The following LSAMP variants were observed in gnomAD, a reference collection of about 807,000 sequenced individuals.
LSAMP encodes limbic system-associated membrane protein.
In LSAMP, 7 loss-of-function variants were observed where a neutral mutation model predicts 38.6. The ratio of observed to expected loss-of-function variants is 0.18; its 90% confidence interval spans 0.10 to 0.34. The LOEUF (loss-of-function observed/expected upper bound fraction) is 0.34, where lower values mean the gene tolerates loss of function less well. LSAMP is among the 10% of genes least tolerant of loss of function. The pLI is 1.00. For synonymous variants in LSAMP, 154 were observed against 166.8 expected (o/e 0.92, Z 0.59); for missense variants, 313 against 420.0 (o/e 0.75, Z 2.23).
intron 1 of LSAMP, among the ~76,000 whole-genome samples, chr3:116,155,462 A>T (rs1421858903): frequency 6.6e-6 from 1 of 152,046 alleles, no homozygotes; most frequent in African/African-American, 2.4e-5. Context: ...TCCTGACTTC[A>T]GGTGATCCAC....
At chr3:116,225,652 C>T (rs754395485) in intron 1 of LSAMP, among the ~76,000 whole-genome samples, 2 of 151,976 alleles carry the variant, frequency 1.3e-5, no homozygotes, top group South Asian at 4.1e-4. Flanking sequence ...AATATAATGT[C>T]TTTAATTGAC....
chr3:116,216,292 C>CA (rs2046218368), intron 1 of LSAMP, among the ~76,000 whole-genome samples: 1 of 152,168 alleles, frequency 6.6e-6, no homozygotes, highest in African/African-American at 2.4e-5. Flanking sequence ...GCTGTCTGGA[C>CA]CACTCTGTAA....
chr3:116,065,899 T>A (rs754870179), intron 2 of LSAMP, among the ~76,000 whole-genome samples: 5 of 152,244 alleles, frequency 3.3e-5, no homozygotes, highest in Admixed American at 6.5e-5. Context: ...TATTTATTAT[T>A]TTCTGTTTCC....
intron 1 of LSAMP, among the ~76,000 whole-genome samples, chr3:116,160,756 A>G (rs78186508): frequency 6.6e-6 from 1 of 152,214 alleles, no homozygotes; most frequent in Non-Finnish European, 1.5e-5. Context: ...GACATACTCT[A>G]TGAAGCAGTC....
chr3:116,075,138 A>ATTTTT (rs71297430), intron 2 of LSAMP, among the ~76,000 whole-genome samples: 10 of 118,276 alleles, frequency 8.5e-5, no homozygotes, highest in African/African-American at 2.6e-4. Flanking sequence ...GCACCCAGCC[A>ATTTTT]TTTTTTTTTT....
intron 1 of LSAMP, among the ~76,000 whole-genome samples, chr3:116,281,595 C>T (rs1372834076): frequency 1.3e-5 from 2 of 152,140 alleles, no homozygotes; most frequent in East Asian, 3.9e-4. Context: ...ACTATGAAAG[C>T]ATGTTGTAAT....
At chr3:115,850,144 T>C (rs1169001695) in intron 4 of LSAMP, among the ~76,000 whole-genome samples, 1 of 152,232 alleles carries the variant, frequency 6.6e-6, no homozygotes, top group African/African-American at 2.4e-5. Context: ...CACATTTTCA[T>C]AAAAGTCTTT....
At chr3:116,412,690 G>T (rs2048995884) in intron 1 of LSAMP, among the ~76,000 whole-genome samples, 1 of 152,000 alleles carries the variant, frequency 6.6e-6, no homozygotes, top group South Asian at 2.1e-4. Flanking sequence ...CTTTTAAAAT[G>T]GGGGATTTTA....
intron 3 of LSAMP, among the ~76,000 whole-genome samples, chr3:115,937,764 C>T (rs1937755840): frequency 6.7e-6 from 1 of 149,520 alleles, no homozygotes; most frequent in South Asian, 2.2e-4. Context: ...GGGAAGCCCG[C>T]AGCATGCTAA....
chr3:116,368,591 T>A (rs958027567), intron 1 of LSAMP, among the ~76,000 whole-genome samples: 1 of 152,196 alleles, frequency 6.6e-6, no homozygotes, highest in Non-Finnish European at 1.5e-5. Context: ...CTGAATCTAC[T>A]TCGTAAGCTT....
Position 116,216,728 on chromosome 3 carries a change from A to T in LSAMP, c.156-130172T>A, listed in dbSNP as rs1312137588. ...GAAATAATTATGAGTTTAAAACAGG[A>T]GATTAAGGAAGAAGTGTTGGAAAGG... On this transcript the variant is annotated intron_variant, in intron 1 of 6. Coordinates refer to ENST00000490035, the MANE Select transcript of LSAMP (RefSeq NM_002338.5). 3.3e-5 allele frequency among the ~76,000 whole-genome samples: 5 copies of T among 152,296 alleles called. No homozygotes were observed. The South Asian group carries it at 1.0e-3, about 32-fold the overall frequency.
At chr3:116,299,464 T>A (rs1259098886) in intron 1 of LSAMP, among the ~76,000 whole-genome samples, 1 of 152,262 alleles carries the variant, frequency 6.6e-6, no homozygotes, top group Non-Finnish European at 1.5e-5. Context: ...AAAGTCACTA[T>A]GCCTTCAGAA....
At chr3:116,052,392 C>T (rs1221200943) in intron 2 of LSAMP, among the ~76,000 whole-genome samples, 3 of 152,046 alleles carry the variant, frequency 2.0e-5, no homozygotes, top group Non-Finnish European at 4.4e-5. Context: ...TTTCAGTTTC[C>T]CCTTTATTCT....
intron 1 of LSAMP, among the ~76,000 whole-genome samples, chr3:116,309,036 T>C (rs1401454528): frequency 6.6e-6 from 1 of 152,062 alleles, no homozygotes; most frequent in Non-Finnish European, 1.5e-5. Context: ...GTTGGAAAGA[T>C]GGAGAGGTTT....
chr3:116,202,635 G>C (rs1414538317), intron 1 of LSAMP, among the ~76,000 whole-genome samples: 3 of 151,856 alleles, frequency 2.0e-5, no homozygotes, highest in East Asian at 3.9e-4. Context: ...TGTTGTCCAG[G>C]CTGGTTTAGA....
At chr3:116,427,666 T>C (rs890027602) in intron 1 of LSAMP, among the ~76,000 whole-genome samples, 21 of 152,130 alleles carry the variant, frequency 1.4e-4, no homozygotes, top group Admixed American at 1.0e-3. Flanking sequence ...AAATAAGAGC[T>C]ATTTAGAGGT....
chr3:115,853,208 C>G (rs1342397193), intron 3 of LSAMP, among the ~76,000 whole-genome samples: 7 of 152,224 alleles, frequency 4.6e-5, no homozygotes, highest in Non-Finnish European at 8.8e-5. Context: ...TGAGAAACCA[C>G]CACTCTTCTT....
chr3:116,095,459 A>C (rs1333123299), intron 1 of LSAMP, among the ~76,000 whole-genome samples: 1 of 152,220 alleles, frequency 6.6e-6, no homozygotes, highest in Admixed American at 6.5e-5. Context: ...ATCCATGCAG[A>C]TGGTAGAGGT....
chr3:116,264,506 A>G (rs544136194), intron 1 of LSAMP, among the ~76,000 whole-genome samples: 2 of 152,244 alleles, frequency 1.3e-5, no homozygotes, highest in Admixed American at 6.5e-5. Context: ...CTTAAGGGGC[A>G]TTGTGTAGTG....
Sources: allele counts gnomAD v4.1 joint callset (sites outside exome capture counted in the v4.1 genomes callset), GRCh38; gene constraint gnomAD v4.1.1; transcripts MANE v1.5; gene names NCBI Gene and HGNC (gene_info 2026-07-23, HGNC 2026-07-21).